Variants in EPB41L4B observed in about 807,000 individuals in gnomAD.
EPB41L4B encodes erythrocyte membrane protein band 4.1 like 4B.
Under a neutral mutation model 112.5 loss-of-function variants are expected in EPB41L4B, and 30 were observed. That is an observed-to-expected ratio of 0.27 (90% CI 0.20 to 0.36). The LOEUF is 0.36. Ranked by LOEUF, EPB41L4B falls within the 10% of genes least tolerant of loss-of-function variation. EPB41L4B has a pLI of 1.00. For missense variants in EPB41L4B, 1,024 were observed against 1,133.3 expected (o/e 0.90, Z 1.38); for synonymous variants, 408 against 439.7 (o/e 0.93, Z 0.90).
intron 7 of EPB41L4B, among the ~76,000 whole-genome samples, 196 bp from the exon 8 acceptor site, chr9:109,256,676 C>T (rs1650247163): frequency 1.3e-5 from 2 of 152,264 alleles, no homozygotes; most frequent in South Asian, 4.1e-4. Context: ...GGCGCAGTGA[C>T]TCACGCCTGT....
In EPB41L4B at chr9:109,255,574, G is replaced by A. The variant is rs370630484; in HGVS notation, c.1106C>T (p.Thr369Met). 28 of 1,614,050 alleles carry A rather than the reference G, an allele frequency of 1.7e-5. No individual in the cohort carries two copies. Among genetic ancestry groups the A allele is most frequent in the African/African-American group, 5.3e-5 (4 of 74,920 alleles). Residue 369 changes from threonine to methionine, a missense_variant, in exon 11 of 26, where the codon ACG (threonine) becomes ATG (methionine). Physicochemically the swap from Thr to Met is moderately conservative, Grantham distance 81. Transcript: ENST00000374566. ...TCTATTGGATTTGCTGTTTCCTGGC[G>A]TCCGCAGTCGGAAGAATGCGTGGTG... Reference protein sequence around the residue: ...VEHHAFFRLRTPGNSKSNRSD... With the variant: ...VEHHAFFRLRMPGNSKSNRSD...
At chr9:109,192,646 C>A (rs1423356301) in intron 21 of EPB41L4B, among the ~76,000 whole-genome samples, 2 of 152,216 alleles carry the variant, frequency 1.3e-5, no homozygotes, top group East Asian at 3.9e-4. Context: ...GGAAAAAACA[C>A]TTGAAAGAGT....
At chr9:109,245,019 A>G (rs764777382) in intron 14 of EPB41L4B, among the ~76,000 whole-genome samples, 2 of 152,220 alleles carry the variant, frequency 1.3e-5, no homozygotes, top group African/African-American at 2.4e-5. Context: ...GTCAGCAAGC[A>G]GACTCTGCAG....
chr9:109,308,090 C>T (rs552094129), intron 1 of EPB41L4B, among the ~76,000 whole-genome samples: 7 of 152,210 alleles, frequency 4.6e-5, no homozygotes, highest in Non-Finnish European at 1.0e-4. Flanking sequence ...CCACACTCGG[C>T]CCAATTCCCT....
chr9:109,262,801 T>A (rs1187287191), intron 6 of EPB41L4B, among the ~76,000 whole-genome samples: 1 of 152,200 alleles, frequency 6.6e-6, no homozygotes, highest in Non-Finnish European at 1.5e-5. Flanking sequence ...CTCATGGTCT[T>A]CTCATCCCCA....
intron 6 of EPB41L4B, among the ~76,000 whole-genome samples, chr9:109,258,990 T>G (rs999621993): frequency 1.3e-5 from 2 of 152,210 alleles, no homozygotes; most frequent in East Asian, 3.9e-4. Flanking sequence ...AGGATACAGG[T>G]GGCCCCCTCC....
intron 1 of EPB41L4B, among the ~76,000 whole-genome samples, chr9:109,282,285 G>T (rs571951574): frequency 6.6e-6 from 1 of 152,124 alleles, no homozygotes; most frequent in Admixed American, 6.5e-5. Flanking sequence ...TTTGTAGGGG[G>T]CAGGGGGATT....
intron 2 of EPB41L4B, among the ~76,000 whole-genome samples, chr9:109,270,485 G>A (rs951909421): frequency 6.6e-6 from 1 of 152,182 alleles, no homozygotes; most frequent in African/African-American, 2.4e-5. Context: ...TGCTGCCAGT[G>A]CCCTCAAACA....
chr9:109,262,452 G>GTGTGTGTGT lies in EPB41L4B; in HGVS notation c.631+597_631+598insACACACACA, dbSNP rs34849317. On this transcript the variant is annotated intron_variant, in intron 6 of 25. Transcript: ENST00000374566. The stretch of plus-strand genomic sequence containing the variant: ...AATGCTATTTCTTGGTGTGTGTGGG[G>GTGTGTGTGT]GTGTGTGTGTGTGTGTGTGTGTGTG... 1.8e-3 allele frequency among the ~76,000 whole-genome samples: 274 copies of GTGTGTGTGT among 149,650 alleles called. 5 individuals carry two copies. The East Asian group carries it at 0.029, about 16-fold the overall frequency.
At chr9:109,182,890 G>A (rs377232673) in intron 23 of EPB41L4B, 93 bp from the exon 24 acceptor site, 18 of 863,472 alleles carry the variant, frequency 2.1e-5, no homozygotes, top group Admixed American at 3.7e-5. Context: ...GGAACCAAAG[G>A]ATTCAGGGGT....
At chr9:109,183,406 A>G (rs1250672473) in intron 23 of EPB41L4B, among the ~76,000 whole-genome samples, 1 of 152,184 alleles carries the variant, frequency 6.6e-6, no homozygotes, top group Non-Finnish European at 1.5e-5. Flanking sequence ...GCCTTTGGGA[A>G]CAGATGGCTT....
In EPB41L4B at chr9:109,268,435, TGAAA is replaced by T. The variant is rs1171285483; in HGVS notation, c.412-6_412-3del. On this transcript the variant is annotated splice_polypyrimidine_tract_variant and splice_region_variant and intron_variant, in intron 2 of 25. Coordinates refer to ENST00000374566, the MANE Select transcript of EPB41L4B (RefSeq NM_019114.5). ...GGGTTTGGCATGATCCAGCCAGTGC[TGAAA>T]GAAAGAAAAAAAGTTTCTTTAGGAA... The T allele has an allele frequency of 1.2e-6, 2 of 1,607,188 alleles. No individual in the cohort carries two copies. Among genetic ancestry groups the T allele is most frequent in the African/African-American group, 1.3e-5 (1 of 74,446 alleles).
chr9:109,264,125 G>A (rs1219740000), intron 5 of EPB41L4B, among the ~76,000 whole-genome samples: 5 of 152,004 alleles, frequency 3.3e-5, no homozygotes, highest in Admixed American at 6.6e-5. Context: ...TGTATTGCAC[G>A]GCTGAATAAG....
At chr9:109,286,865 A>G (rs1412542763) in intron 1 of EPB41L4B, among the ~76,000 whole-genome samples, 1 of 152,184 alleles carries the variant, frequency 6.6e-6, no homozygotes, top group Non-Finnish European at 1.5e-5. Flanking sequence ...CCCGTTCTGA[A>G]ATGCAATAAT....
At chr9:109,247,200 G>T (rs553794239) in intron 14 of EPB41L4B, among the ~76,000 whole-genome samples, 214 of 150,822 alleles carry the variant, frequency 1.4e-3, no homozygotes, top group Non-Finnish European at 2.6e-3. Context: ...TTTAATCAGG[G>T]GCGTGAGAGG....
Position 109,320,477 on chromosome 9 carries a change from C to CTGCG in EPB41L4B, c.-32_-31insCGCA. 1.0e-6 allele frequency: 1 copy of CTGCG among 976,132 alleles called. No individual in the cohort carries two copies. The highest frequency in any genetic ancestry group is 1.2e-6 in the Non-Finnish European group (1 of 827,298). 60.5% of individuals were successfully genotyped at this position (976,132 alleles called of 1,614,324 possible). On this transcript the variant is annotated 5_prime_UTR_variant, in exon 1 of 26. Coordinates refer to ENST00000374566, the MANE Select transcript of EPB41L4B (RefSeq NM_019114.5). The stretch of plus-strand genomic sequence containing the variant: ...CTGGGGGCGCCCCCTGCCTCCGCCC[C>CTGCG]CTGCGCTGCCGCTGCCGCTGCCGCT...
chr9:109,318,363 G>A (rs1837713725), intron 1 of EPB41L4B, among the ~76,000 whole-genome samples: 2 of 151,988 alleles, frequency 1.3e-5, no homozygotes, highest in African/African-American at 4.8e-5. Context: ...GGGCTACACT[G>A]GCTGGAATCA....
chr9:109,264,319 C>T (rs907916334), intron 5 of EPB41L4B, among the ~76,000 whole-genome samples: 1 of 152,166 alleles, frequency 6.6e-6, no homozygotes, highest in African/African-American at 2.4e-5. Flanking sequence ...TTTTTAGACT[C>T]AATATAGCCT....
At chr9:109,276,233 T>C (rs917878141) in intron 2 of EPB41L4B, among the ~76,000 whole-genome samples, 1 of 146,522 alleles carries the variant, frequency 6.8e-6, no homozygotes, top group South Asian at 2.2e-4. Context: ...AACAGTCAAA[T>C]GGCCACAGAA....
Sources: gnomAD v4.1 joint callset for allele counts (sites outside exome capture counted in the v4.1 genomes callset) on GRCh38, gnomAD v4.1.1 for gene constraint, MANE v1.5 for transcripts, NCBI Gene and HGNC (gene_info 2026-07-23, HGNC 2026-07-21) for gene names.